The following GART variants were observed in gnomAD, a reference collection of about 807,000 sequenced individuals.
The protein encoded by GART is trifunctional purine biosynthetic protein adenosine-3.
A neutral mutation model predicts 107.2 loss-of-function variants in GART; 43 were observed. The observed-to-expected ratio is 0.40, with a 90% CI of 0.31 to 0.52. The LOEUF (loss-of-function observed/expected upper bound fraction) is 0.52. Among genes scored for constraint, GART ranks in the 20% least tolerant of loss-of-function variants. GART has a pLI of 0.52. For synonymous variants in GART, 434 were observed against 427.0 expected (o/e 1.02, Z -0.20); for missense variants, 1,107 against 1,206.5 (o/e 0.92, Z 1.22).
chr21:33,528,849 C>G lies in GART; in HGVS notation c.811+1G>C. On this transcript the variant is annotated splice_donor_variant, in intron 8 of 21. Coordinates refer to ENST00000381815, the MANE Select transcript of GART (RefSeq NM_000819.5). LOFTEE classifies it high-confidence loss of function. ...TTCCATAGTAATGTGGGTGGGCCTA[C>G]CTGTATATGGAGTACCCTCTTGCTG... is the stretch of plus-strand genomic sequence containing the variant. 1 of 1,605,700 alleles carries G rather than the reference C, an allele frequency of 6.2e-7. No individual in the cohort carries two copies.
chr21:33,513,099 G>A (rs974717848), intron 16 of GART, among the ~76,000 whole-genome samples: 3 of 100,816 alleles, frequency 3.0e-5, no homozygotes, highest in Admixed American at 2.3e-4. Context: ...GTGTGTGTGT[G>A]TGTCTCTGTG....
At chr21:33,516,965 A>T (rs2084890427) in intron 16 of GART, 24 bp downstream of exon 16, 1 of 1,579,366 alleles carries the variant, frequency 6.3e-7, no homozygotes, top group African/African-American at 1.4e-5. Context: ...TTTTCTGAAC[A>T]GAAGTTCGTT....
intron 8 of GART, 70 bp downstream of exon 8, chr21:33,528,780 G>C: frequency 8.4e-7 from 1 of 1,193,466 alleles, no homozygotes; most frequent in Non-Finnish European, 1.2e-6. Context: ...AAAGGGAATG[G>C]AAAATAAGTT....
intron 10 of GART, among the ~76,000 whole-genome samples, chr21:33,525,670 C>T (rs560835508): frequency 6.6e-6 from 1 of 152,114 alleles, no homozygotes; most frequent in Non-Finnish European, 1.5e-5. Context: ...ATCTGCCCGC[C>T]TTGGCCTCCC....
intron 14 of GART, 52 bp from the exon 15 acceptor site, chr21:33,517,660 A>G (rs1281962005): frequency 6.3e-7 from 1 of 1,592,478 alleles, no homozygotes; most frequent in Non-Finnish European, 8.6e-7. Flanking sequence ...AAATCTGTCT[A>G]GGAAACAGTG....
rs1298336881 is a variant in GART at position 33,532,354 on chromosome 21, C to G, written c.519G>C (p.Glu173Asp). Residue 173 changes from glutamate to aspartate, a missense_variant, in exon 5 of 22, where the codon GAG (glutamate) becomes GAC (aspartate). Transcript: ENST00000381815. Reference sequence around the variant, plus strand: ...AGAAGACCCAGCCTACCTGCATGATCTCTTGTACAGCTTTGCAGGCCTCTT... The same window carrying G: ...AGAAGACCCAGCCTACCTGCATGATGTCTTGTACAGCTTTGCAGGCCTCTT... ...SKEEACKAVQ[E>D]IMQEKAFGAA... 26 of 1,613,088 alleles carry G rather than the reference C, an allele frequency of 1.6e-5. 1 individual carries two copies. The East Asian group carries it at 5.3e-4, about 33-fold the overall frequency.
chr21:33,524,554 T>C, intron 11 of GART: 1 of 1,256,766 alleles, frequency 8.0e-7, no homozygotes, highest in African/African-American at 1.5e-5. Context: ...CACTGTGATT[T>C]TGCTAAACTT....
chr21:33,512,209 G>A (rs1174771705), intron 16 of GART, among the ~76,000 whole-genome samples: 1 of 149,732 alleles, frequency 6.7e-6, no homozygotes, highest in Non-Finnish European at 1.5e-5. Flanking sequence ...ACTTAAACCT[G>A]GGAGGTGGAG....
At chr21:33,529,610 C>G (rs2085143867) in intron 7 of GART, 1 of 152,194 alleles carries the variant, frequency 6.6e-6, no homozygotes, top group Admixed American at 6.6e-5. Flanking sequence ...AGGCATGTGC[C>G]ATCGCGCCCA....
intron 4 of GART, 132 bp from the exon 5 acceptor site, chr21:33,532,588 C>T: frequency 2.8e-6 from 2 of 703,838 alleles, no homozygotes; most frequent in Middle Eastern, 2.5e-4. Flanking sequence ...ATTATCATTC[C>T]AACACATTTT....
Position 33,534,740 on chromosome 21 carries a change from G to A in GART, c.255C>T (p.Asn85=), listed in dbSNP as rs769901344. The A allele has an allele frequency of 1.9e-6, 3 of 1,587,496 alleles. No individual in the cohort carries two copies. The highest frequency in any genetic ancestry group is 2.6e-6 in the Non-Finnish European group (3 of 1,169,508). ...AGCATTGCACTCCTGCAGACCTCAG[G>A]TTCCCAACAATCCCTATTGATGAAA... ...EAPLAAGIVG[N]LRSAGVQCFG... Residue 85 remains asparagine (N), a synonymous_variant, in exon 4 of 22, where the codon AAC becomes AAT. Coordinates refer to ENST00000381815, the MANE Select transcript of GART (RefSeq NM_000819.5).
At position 33,517,005 on chromosome 21, in the gene GART, T is replaced by A; in HGVS notation, c.2091A>T (p.Lys697Asn). Residue 697 changes from lysine (K) to asparagine (N), a missense_variant, in exon 16 of 22, where the codon AAA (lysine) becomes AAT (asparagine). Physicochemically the swap from Lys to Asn is moderately conservative, Grantham distance 94 (BLOSUM62 0). Coordinates refer to ENST00000381815, the MANE Select transcript of GART (RefSeq NM_000819.5). ...TGATCTTACCTAAATCTACCCCAAGTTTCTCAGGGAGGACTCTGGGGATGT... is the reference window on the plus strand; with the variant it reads ...TGATCTTACCTAAATCTACCCCAAGATTCTCAGGGAGGACTCTGGGGATGT... The part of the protein sequence containing the change: ...LENIPRVLPE[K>N]LGVDLDAQTW... 6.3e-7 allele frequency: 1 copy of A among 1,599,408 alleles called. No individual in the cohort carries two copies.
intron 18 of GART, among the ~76,000 whole-genome samples, chr21:33,507,383 T>C (rs534922647): frequency 4.2e-4 from 64 of 152,290 alleles, no homozygotes; most frequent in African/African-American, 1.4e-3. Flanking sequence ...CAATGATGGT[T>C]ACCAGAGGCT....
In GART at chr21:33,524,794, C is replaced by A; in HGVS notation, c.1273G>T (p.Ala425Ser). The A allele has an allele frequency of 6.2e-7, 1 of 1,614,240 alleles. No individual in the cohort carries two copies. Residue 425 changes from alanine (A) to serine (S), a missense_variant, in exon 11 of 22, where the codon GCC becomes TCC. Ala to Ser is a moderately conservative substitution (Grantham distance 99). Coordinates refer to ENST00000381815, the MANE Select transcript of GART (RefSeq NM_000819.5). ...CTGGGCTGCTGGAGGAAAGCTATGG[C>A]ACGAAAGCCGACGTCTTTCCTATAA... ...AIYRKDVGFR[A>S]IAFLQQPRSL...
intron 11 of GART, chr21:33,524,075 G>C: frequency 1.0e-6 from 1 of 983,572 alleles, no homozygotes; most frequent in Non-Finnish European, 1.2e-6. Context: ...GAATCAGTAA[G>C]AGGTCAAAAA....
At chr21:33,510,582 G>A (rs1395429937) in intron 17 of GART, among the ~76,000 whole-genome samples, 3 of 151,372 alleles carry the variant, frequency 2.0e-5, no homozygotes, top group Non-Finnish European at 2.9e-5. Flanking sequence ...CACCCGCTTC[G>A]GCCTCCCAAA....
chr21:33,505,902 C>A, intron 19 of GART, 72 bp downstream of exon 19: 1 of 1,582,684 alleles, frequency 6.3e-7, no homozygotes, highest in Non-Finnish European at 8.6e-7. Flanking sequence ...TGCCCATAGA[C>A]CAGGGTCCTG....
At chr21:33,513,205 T>C (rs1271546065) in intron 16 of GART, among the ~76,000 whole-genome samples, 1 of 150,910 alleles carries the variant, frequency 6.6e-6, no homozygotes, top group African/African-American at 2.4e-5. Flanking sequence ...CCTCAGGGGA[T>C]CCATCCACCT....
chr21:33,518,550 G>A (rs1226302513), intron 14 of GART: 2 of 251,224 alleles, frequency 8.0e-6, no homozygotes, highest in Non-Finnish European at 1.6e-5. Context: ...CAACAGGAAT[G>A]GGGCTTAAAA....
Sources: gnomAD v4.1 joint callset for allele counts (sites outside exome capture counted in the v4.1 genomes callset) on GRCh38, gnomAD v4.1.1 for gene constraint, MANE v1.5 for transcripts, NCBI Gene and HGNC (gene_info 2026-07-23, HGNC 2026-07-21) for gene names.